SLC17A3: variants seen among roughly 807,000 people sequenced by gnomAD.
The protein encoded by SLC17A3 is sodium-dependent phosphate transport protein 4.
Under a neutral mutation model 60.3 loss-of-function variants are expected in SLC17A3, and 61 were observed. The ratio of observed to expected loss-of-function variants is 1.01; its 90% CI spans 0.82 to 1.25. The LOEUF (loss-of-function observed/expected upper bound fraction) is 1.25, where lower values mean the gene tolerates loss of function less well. SLC17A3 is among the 50% of genes most tolerant of loss of function. The pLI is 0.00. For missense variants in SLC17A3, 624 were observed against 594.9 expected (o/e 1.05, Z -0.51); for synonymous variants, 192 against 208.9 (o/e 0.92, Z 0.70).
rs747135425 is a variant in SLC17A3 at position 25,862,276 on chromosome 6, G to A, written c.260C>T (p.Ser87Leu). 5 of 1,613,816 alleles carry A rather than the reference G, an allele frequency of 3.1e-6. No homozygotes were observed. The highest frequency in any genetic ancestry group is 3.4e-6 in the Non-Finnish European group (4 of 1,179,824). ...NDSSEVLPVD[S>L]FGGLSKAPKS... is the part of the protein sequence containing the mutation. The stretch of plus-strand genomic sequence containing the variant: ...TGGGGCTTTACTTAGGCCACCAAAT[G>A]AGTCAACAGGCAGCACCTCAGAGGA... The change falls in exon 3 of 13, where the codon TCA becomes TTA. Residue 87 changes from serine to leucine, a missense_variant. Coordinates refer to ENST00000397060, the MANE Select transcript of SLC17A3 (RefSeq NM_001098486.2).
At chr6:25,849,074 A>G (rs1402609001) in intron 11 of SLC17A3, among the ~76,000 whole-genome samples, 1 of 152,174 alleles carries the variant, frequency 6.6e-6, no homozygotes, top group Non-Finnish European at 1.5e-5. Flanking sequence ...TACAAATTCA[A>G]AGTATTGCCC....
rs531791818 is a variant in SLC17A3, at chr6:25,852,240, A to G, written c.713-1363T>C. ...TTATCTTTGTTCCTCTCTCTATAAC[A>G]CATCTTTTAGCTTTGGCTACTTTAA... is the stretch of plus-strand genomic sequence containing the variant. On this transcript the variant is annotated intron_variant, in intron 6 of 12. Coordinates refer to ENST00000397060, the MANE Select transcript of SLC17A3 (RefSeq NM_001098486.2). Among the ~76,000 whole-genome samples the G allele has an allele frequency of 9.1e-4, 138 of 152,040 alleles. 1 individual carries two copies. The highest frequency in any genetic ancestry group is 2.6e-3 in the African/African-American group (108 of 41,492).
At position 25,855,144 on chromosome 6, in the gene SLC17A3, C is replaced by A; in HGVS notation, c.712G>T (p.Gly238Ter). Residue 238 changes from glycine to a stop codon, truncating the protein, a stop_gained and splice_region_variant, in exon 6 of 13, where the codon GGA becomes TGA. Coordinates refer to ENST00000397060, the MANE Select transcript of SLC17A3 (RefSeq NM_001098486.2). LOFTEE classifies it high-confidence loss of function. ...AGGGAACTGGGAGATAGTAGCTTACCAAAGATATAGAAGACAAAGGGCCAC... is the reference window on the plus strand; with the variant it reads ...AGGGAACTGGGAGATAGTAGCTTACAAAAGATATAGAAGACAAAGGGCCAC... ...LGWPFVFYIF[G>*]GVGCVCCLLW... The A allele has an allele frequency of 6.2e-7, 1 of 1,602,830 alleles. No individual in the cohort carries two copies. Among genetic ancestry groups the A allele is most frequent in the Non-Finnish European group, 8.5e-7 (1 of 1,170,148 alleles).
chr6:25,861,866 CAT>C lies in SLC17A3; in HGVS notation c.465_466del (p.Cys156HisfsTer6). The C allele has an allele frequency of 1.2e-6, 2 of 1,613,404 alleles. No individual in the cohort carries two copies. Among genetic ancestry groups the C allele is most frequent in the Non-Finnish European group, 1.7e-6 (2 of 1,179,618 alleles). On this transcript the variant is annotated frameshift_variant, in exon 4 of 13. Transcript: ENST00000397060. LOFTEE classifies it high-confidence loss of function. ...TCCAAAGTCAGTGGCCAGAGGGATG[CAT>C]AGAGTGAGAAATGAAGTTGCAAACA...
rs1765445897 is a variant in SLC17A3 at position 25,861,544 on chromosome 6, C to T, written c.625+80G>A. 4 of 1,051,264 alleles carry T rather than the reference C, an allele frequency of 3.8e-6. No homozygotes were observed. In the South Asian group the frequency reaches 5.0e-5, roughly 13 times the overall value. 65.1% of individuals were successfully genotyped at this position (1,051,264 alleles called of 1,614,324 possible). ...CTGACATTGAGCAGATGATGAGGAACTATGCAATGAAAAGTTGTCAAGGAA... is the reference window on the plus strand; with the variant it reads ...CTGACATTGAGCAGATGATGAGGAATTATGCAATGAAAAGTTGTCAAGGAA... On this transcript the variant is annotated intron_variant, in intron 5 of 12. Coordinates refer to ENST00000397060, the MANE Select transcript of SLC17A3 (RefSeq NM_001098486.2).
chr6:25,872,282 A>G (rs185972609), intron 1 of SLC17A3, among the ~76,000 whole-genome samples: 178 of 149,326 alleles, frequency 1.2e-3, no homozygotes, highest in Admixed American at 2.0e-3. Context: ...GAATTCAGTA[A>G]TGTCATGATG....
intron 1 of SLC17A3, among the ~76,000 whole-genome samples, chr6:25,872,722 A>T (rs1004429413): frequency 6.6e-6 from 1 of 151,792 alleles, no homozygotes; most frequent in African/African-American, 2.4e-5. Context: ...TGCTAAGATG[A>T]CATCCTTCAT....
At chr6:25,850,661 A>G in intron 7 of SLC17A3, 41 bp from the exon 8 acceptor site, 1 of 1,612,624 alleles carries the variant, frequency 6.2e-7, no homozygotes, top group Non-Finnish European at 8.5e-7. Context: ...AATCCGACAG[A>G]TGCTCACACA....
chr6:25,870,011 T>G (rs1765615775), intron 1 of SLC17A3, among the ~76,000 whole-genome samples: 1 of 152,052 alleles, frequency 6.6e-6, no homozygotes, highest in Non-Finnish European at 1.5e-5. Flanking sequence ...ATCCATTTAT[T>G]TACCTTTTGA....
At position 25,862,286 on chromosome 6, in the gene SLC17A3, G is replaced by T. The variant is rs985494834; in HGVS notation, c.250C>A (p.Pro84Thr). The T allele has an allele frequency of 1.7e-5, 28 of 1,613,876 alleles. No individual in the cohort carries two copies. The highest frequency in any genetic ancestry group is 2.3e-5 in the Non-Finnish European group (27 of 1,179,840). ...CTTAGGCCACCAAATGAGTCAACAG[G>T]CAGCACCTCAGAGGAATCATTGAGC... ...SQLNDSSEVLPVDSFGGLSKA... is the reference protein window; with the variant it reads ...SQLNDSSEVLTVDSFGGLSKA... Residue 84 changes from proline (P) to threonine (T), a missense_variant, in exon 3 of 13, where the codon CCT becomes ACT. Coordinates refer to ENST00000397060, the MANE Select transcript of SLC17A3 (RefSeq NM_001098486.2).
chr6:25,850,782 T>C lies in SLC17A3; in HGVS notation c.808A>G (p.Ile270Val), dbSNP rs765081203. Residue 270 changes from isoleucine (I) to valine (V), a missense_variant, in exon 7 of 13, where the codon ATC becomes GTC. By Grantham distance (29) the Ile-to-Val change is conservative. Coordinates refer to ENST00000397060, the MANE Select transcript of SLC17A3 (RefSeq NM_001098486.2). Reference protein sequence around the residue: ...PWISTSEKEYIISSLKQQVGS... With the variant: ...PWISTSEKEYVISSLKQQVGS... ...ACCTGTTGTTTCAAGGAGGATATGA[T>C]GTATTCTTTTTCTGAGGTGCTTATC... The C allele has an allele frequency of 1.9e-6, 3 of 1,613,586 alleles. No homozygotes were observed. Among genetic ancestry groups the C allele is most frequent in the Admixed American group, 1.7e-5 (1 of 60,002 alleles).
In SLC17A3 at chr6:25,861,649, G is replaced by A. The variant is rs779696749; in HGVS notation, c.600C>T (p.Ser200=). 6.8e-6 allele frequency: 11 copies of A among 1,613,858 alleles called. No individual in the cohort carries two copies. In the African/African-American group the frequency reaches 1.3e-4, roughly 20 times the overall value. ...CTGATAAAGCAATGCTGCAGAGTCT[G>A]CTTCGTTCTTGTGGAGGGCCCCACT... ...WEKWGPPQER[S]RLCSIALSGM... The change falls in exon 5 of 13, where the codon AGC becomes AGT. Residue 200 remains serine (S), a synonymous_variant. Coordinates refer to ENST00000397060, the MANE Select transcript of SLC17A3 (RefSeq NM_001098486.2).
intron 1 of SLC17A3, among the ~76,000 whole-genome samples, chr6:25,870,848 A>G (rs549569018): frequency 2.0e-5 from 3 of 152,194 alleles, no homozygotes; most frequent in South Asian, 4.1e-4. Flanking sequence ...CAACTGACAC[A>G]CAGCATGAAA....
intron 5 of SLC17A3, among the ~76,000 whole-genome samples, chr6:25,857,887 G>A (rs898696903): frequency 1.3e-5 from 2 of 152,074 alleles, no homozygotes; most frequent in African/African-American, 4.8e-5. Context: ...TTGTCCTCTG[G>A]ACCCCATCTC....
rs546966818 is a variant in SLC17A3 at position 25,860,301 on chromosome 6, G to A, written c.625+1323C>T. On this transcript the variant is annotated intron_variant, in intron 5 of 12. Coordinates refer to ENST00000397060, the MANE Select transcript of SLC17A3 (RefSeq NM_001098486.2). Reference sequence around the variant, plus strand: ...TGCACCTTTCTAGGCTCCCTTAGAAGACAGTACACCGTGTCCTAGAGGCTG... The same window carrying A: ...TGCACCTTTCTAGGCTCCCTTAGAAAACAGTACACCGTGTCCTAGAGGCTG... Among the ~76,000 whole-genome samples the A allele has an allele frequency of 5.5e-4, 83 of 152,020 alleles. 1 individual carries two copies. Among genetic ancestry groups the A allele is most frequent in the South Asian group, 4.6e-3 (22 of 4,820 alleles).
In SLC17A3 at chr6:25,845,471, C is replaced by T. The variant is rs114720409; in HGVS notation, c.1408G>A (p.Val470Ile). The T allele has an allele frequency of 1.0e-4, 161 of 1,614,024 alleles. 1 individual carries two copies. In the East Asian group the frequency reaches 1.3e-3, roughly 13 times the overall value. Residue 470 changes from valine to isoleucine, a missense_variant, in exon 12 of 13, where the codon GTT (valine) becomes ATT (isoleucine). Transcript: ENST00000397060. ...TAGAAGAGTAGTCCTAACAGGTTAA[C>T]GGCAAACAGCAAGAAGAAGACATTC... is the stretch of plus-strand genomic sequence containing the variant. ...WRNVFFLLFA[V>I]NLLGLLFYLI...
chr6:25,873,100 G>A (rs1384908193), intron 1 of SLC17A3, among the ~76,000 whole-genome samples: 1 of 152,134 alleles, frequency 6.6e-6, no homozygotes, highest in African/African-American at 2.4e-5. Context: ...ATAACTAGAG[G>A]AAAGAGAAGT....
intron 2 of SLC17A3, among the ~76,000 whole-genome samples, chr6:25,866,558 T>G (rs1021863618): frequency 6.6e-6 from 1 of 151,942 alleles, no homozygotes; most frequent in Non-Finnish European, 1.5e-5. Flanking sequence ...ACTACTATGT[T>G]TATGGTAATA....
intron 3 of SLC17A3, 90 bp downstream of exon 3, chr6:25,862,143 G>C (rs1765460413): frequency 7.0e-7 from 1 of 1,428,700 alleles, no homozygotes; most frequent in East Asian, 2.4e-5. Context: ...CTCCATTAAA[G>C]TTTTTAAACA....
Sources: allele counts gnomAD v4.1 joint callset (sites outside exome capture counted in the v4.1 genomes callset), GRCh38; gene constraint gnomAD v4.1.1; transcripts MANE v1.5; gene names NCBI Gene and HGNC (gene_info 2026-07-23, HGNC 2026-07-21).